ZNG1A: variants seen among roughly 807,000 people sequenced by gnomAD.
ZNG1A encodes the protein zinc-regulated GTPase metalloprotein activator 1A.
chr9:154,427 T>A, the ZNG1A span: 1 of 494,802 alleles, frequency 2.0e-6, no homozygotes. Flanking sequence ...AAGACTGACA[T>A]TAGGAAAGAG....
chr9:136,124 C>T, the ZNG1A span, among the ~76,000 whole-genome samples: 68 of 81,378 alleles, frequency 8.4e-4, 26 homozygotes, highest in South Asian at 0.038. Flanking sequence ...AATCTAACAA[C>T]GAACATTTAA....
the ZNG1A span, among the ~76,000 whole-genome samples, chr9:127,752 G>T: frequency 6.6e-6 from 1 of 152,054 alleles, no homozygotes; most frequent in African/African-American, 2.4e-5. Context: ...TGTTTTTCTG[G>T]TTTTTGTTGT....
the ZNG1A span, among the ~76,000 whole-genome samples, chr9:140,626 C>T: frequency 7.5e-5 from 11 of 147,542 alleles, no homozygotes; most frequent in South Asian, 4.3e-4. Flanking sequence ...TCCAAAGGAA[C>T]GCAGCGCCTC....
chr9:168,460 G>C, the ZNG1A span, among the ~76,000 whole-genome samples: 1 of 150,940 alleles, frequency 6.6e-6, no homozygotes, highest in East Asian at 1.9e-4. Context: ...CACTATGTTG[G>C]CCAGGCTGGT....
chr9:129,931 T>C, the ZNG1A span, among the ~76,000 whole-genome samples: 587 of 150,438 alleles, frequency 3.9e-3, 33 homozygotes, highest in African/African-American at 0.014. Flanking sequence ...ACCTAGATGG[T>C]ATAACCTACT....
the ZNG1A span, among the ~76,000 whole-genome samples, chr9:127,010 T>C: frequency 1.2e-4 from 18 of 152,192 alleles, no homozygotes; most frequent in Admixed American, 3.3e-4. Flanking sequence ...TTGGAGTTGA[T>C]TTCCAGTTTT....
At chr9:151,155 C>G in the ZNG1A span, 1 of 985,264 alleles carries the variant, frequency 1.0e-6, no homozygotes, top group African/African-American at 1.7e-5. Context: ...TCTGCTACCT[C>G]TGCCAGCAGA....
At chr9:121,963 A>G in the ZNG1A span, 3 of 1,611,926 alleles carry the variant, frequency 1.9e-6, no homozygotes, top group Middle Eastern at 2.3e-4. Context: ...AGACTTACCA[A>G]GGAGGACCAA....
At chr9:170,572 G>C in the ZNG1A span, among the ~76,000 whole-genome samples, 2 of 150,090 alleles carry the variant, frequency 1.3e-5, no homozygotes, top group South Asian at 2.1e-4. Context: ...TTTCAGTAGA[G>C]ACTGGATTTC....
the ZNG1A span, among the ~76,000 whole-genome samples, chr9:145,447 A>C: frequency 4.6e-5 from 7 of 150,564 alleles, no homozygotes; most frequent in African/African-American, 1.7e-4. Context: ...CTATCGCAAG[A>C]ACAAAAAACC....
At chr9:172,298 T>C in the ZNG1A span, 3 of 1,238,716 alleles carry the variant, frequency 2.4e-6, no homozygotes, top group African/African-American at 3.1e-5. Flanking sequence ...AAAATTTAAC[T>C]CACTTCTAAC....
At chr9:144,409 G>C in the ZNG1A span, among the ~76,000 whole-genome samples, 2 of 150,572 alleles carry the variant, frequency 1.3e-5, no homozygotes, top group African/African-American at 2.4e-5. Flanking sequence ...ACAACTATCT[G>C]ATCTTTGACA....
At chr9:156,225 T>C in the ZNG1A span, among the ~76,000 whole-genome samples, 3 of 149,480 alleles carry the variant, frequency 2.0e-5, no homozygotes, top group Non-Finnish European at 4.5e-5. Flanking sequence ...TAAATGTTAA[T>C]ATTTCCCGAG....
the ZNG1A span, chr9:177,595 A>G: frequency 6.6e-7 from 1 of 1,518,938 alleles, no homozygotes. Flanking sequence ...CCAAAAGAAC[A>G]GCGTTTCAAA....
chr9:178,143 T>C, the ZNG1A span, among the ~76,000 whole-genome samples: 5 of 151,232 alleles, frequency 3.3e-5, no homozygotes, highest in African/African-American at 1.2e-4. Context: ...ACTTCTAGTG[T>C]AAGTGCATAA....
chr9:156,201 C>T, the ZNG1A span, among the ~76,000 whole-genome samples: 11 of 146,792 alleles, frequency 7.5e-5, no homozygotes, highest in East Asian at 2.0e-3. Flanking sequence ...AATTGTATAA[C>T]AAGAAAATAT....
chr9:139,968 G>A, the ZNG1A span, among the ~76,000 whole-genome samples: 6 of 150,592 alleles, frequency 4.0e-5, no homozygotes, highest in African/African-American at 9.9e-5. Context: ...CTTAAAAAAC[G>A]GCGCACCACG....
chr9:164,701 A>G, the ZNG1A span, among the ~76,000 whole-genome samples: 1 of 145,648 alleles, frequency 6.9e-6, no homozygotes, highest in South Asian at 2.3e-4. Flanking sequence ...GTATGCCACA[A>G]CGCAAGAAAA....
chr9:143,224 A>G, the ZNG1A span, among the ~76,000 whole-genome samples: 29,574 of 134,776 alleles, frequency 0.22, 3,841 homozygotes, highest in East Asian at 0.35. Flanking sequence ...TACCAAAGCC[A>G]GGCAGAGACA....
Sources: allele counts gnomAD v4.1 joint callset (sites outside exome capture counted in the v4.1 genomes callset), GRCh38; gene constraint gnomAD v4.1.1; transcripts MANE v1.5; gene names NCBI Gene and HGNC (gene_info 2026-07-23, HGNC 2026-07-21).